SYN3: variants seen among roughly 807,000 people sequenced by gnomAD.
SYN3 encodes the protein synapsin III, also known as synapsin-3.
In SYN3, 35 loss-of-function variants were observed where a neutral mutation model predicts 65.8. The ratio of observed to expected loss-of-function variants is 0.53; its 90% CI spans 0.41 to 0.70. SYN3 has a LOEUF of 0.70. SYN3 is among the 30% of genes least tolerant of loss of function. The probability of loss-of-function intolerance (pLI) is 0.00; values close to 1 mark genes in which losing one functional copy is unlikely to be tolerated. For synonymous variants in SYN3, 270 were observed against 292.9 expected (o/e 0.92, Z 0.80); for missense variants, 680 against 749.0 (o/e 0.91, Z 1.08).
chr22:32,537,580 T>C (rs888348693), intron 9 of SYN3, among the ~76,000 whole-genome samples: 4 of 152,148 alleles, frequency 2.6e-5, no homozygotes, highest in Non-Finnish European at 4.4e-5. Context: ...TCCCTATTCA[T>C]ATTGAGATGG....
At chr22:32,515,824 A>C (rs1489587301) in intron 13 of SYN3, among the ~76,000 whole-genome samples, 1 of 151,438 alleles carries the variant, frequency 6.6e-6, no homozygotes, top group East Asian at 1.9e-4. Flanking sequence ...TTCGAGATGG[A>C]GTCTTGCTCT....
At chr22:32,997,544 CT>C (rs1434565817) in intron 2 of SYN3, among the ~76,000 whole-genome samples, 1 of 152,116 alleles carries the variant, frequency 6.6e-6, no homozygotes, top group East Asian at 1.9e-4. Context: ...CTCTGCCCCC[CT>C]CACCTTTAAA....
At chr22:32,751,009 C>G (rs2045105653) in intron 6 of SYN3, among the ~76,000 whole-genome samples, 1 of 152,060 alleles carries the variant, frequency 6.6e-6, no homozygotes, top group Non-Finnish European at 1.5e-5. Flanking sequence ...GGTTTTCAAA[C>G]CATGACACCA....
At chr22:33,044,412 AG>A (rs926893631) in intron 1 of SYN3, among the ~76,000 whole-genome samples, 44 of 152,270 alleles carry the variant, frequency 2.9e-4, no homozygotes, top group African/African-American at 1.0e-3. Context: ...TTAATAACTG[AG>A]GAGCTGATGA....
chr22:32,727,339 T>C (rs539530816), intron 6 of SYN3, among the ~76,000 whole-genome samples: 1 of 152,266 alleles, frequency 6.6e-6, no homozygotes, highest in Non-Finnish European at 1.5e-5. Flanking sequence ...AATTGCTGCA[T>C]ATTATTCCAT....
At chr22:33,037,731 C>T (rs763019562) in intron 1 of SYN3, among the ~76,000 whole-genome samples, 31 of 152,318 alleles carry the variant, frequency 2.0e-4, no homozygotes, top group Non-Finnish European at 3.4e-4. Flanking sequence ...CTTTTAACTA[C>T]CACTCCTGCC....
chr22:32,666,327 C>T (rs1242862009), intron 6 of SYN3, among the ~76,000 whole-genome samples: 1 of 151,096 alleles, frequency 6.6e-6, no homozygotes, highest in Non-Finnish European at 1.5e-5. Context: ...TAAAGAATAA[C>T]CCAAACCAAA....
chr22:33,035,339 C>CCCCCCG (rs1402627518), intron 1 of SYN3, among the ~76,000 whole-genome samples: 1 of 94,770 alleles, frequency 1.1e-5, no homozygotes, highest in African/African-American at 3.8e-5. Flanking sequence ...GACCCCCCCC[C>CCCCCCG]CCCCCGCCAC....
At chr22:32,902,759 G>A (rs1219135723) in intron 4 of SYN3, among the ~76,000 whole-genome samples, 6 of 151,972 alleles carry the variant, frequency 3.9e-5, no homozygotes, top group Non-Finnish European at 5.9e-5. Context: ...GAAAATTACT[G>A]GAACTTTCTG....
intron 6 of SYN3, among the ~76,000 whole-genome samples, chr22:32,677,894 G>C (rs956366892): frequency 1.8e-4 from 28 of 152,134 alleles, no homozygotes; most frequent in Non-Finnish European, 3.5e-4. Flanking sequence ...ACACAGATAG[G>C]CATGTATGTT....
At chr22:33,000,888 C>T (rs1037834032) in intron 2 of SYN3, among the ~76,000 whole-genome samples, 3 of 152,128 alleles carry the variant, frequency 2.0e-5, no homozygotes, top group Non-Finnish European at 4.4e-5. Context: ...ACCTGCTGGC[C>T]GCTCCTGGTG....
intron 6 of SYN3, among the ~76,000 whole-genome samples, chr22:32,652,342 T>C (rs2060083630): frequency 6.7e-6 from 1 of 150,094 alleles, no homozygotes; most frequent in South Asian, 2.1e-4. Flanking sequence ...CCTTCCACGC[T>C]AAGGGCATCT....
intron 6 of SYN3, among the ~76,000 whole-genome samples, chr22:32,708,950 CG>C (rs1193279281): frequency 6.6e-6 from 1 of 152,134 alleles, no homozygotes; most frequent in African/African-American, 2.4e-5. Flanking sequence ...GGGCTGTGCA[CG>C]GGCCTGGCAT....
chr22:32,879,459 G>C (rs1161673558), intron 4 of SYN3, among the ~76,000 whole-genome samples: 1 of 152,176 alleles, frequency 6.6e-6, no homozygotes, highest in African/African-American at 2.4e-5. Flanking sequence ...GTGATGCTGG[G>C]GAGGTGGGGG....
chr22:32,759,024 C>G (rs1211435910), intron 6 of SYN3, among the ~76,000 whole-genome samples: 2 of 151,942 alleles, frequency 1.3e-5, no homozygotes, highest in African/African-American at 4.8e-5. Flanking sequence ...GGACCATTAA[C>G]CACATCATTA....
chr22:32,897,273 T>G (rs2049620770), intron 4 of SYN3, among the ~76,000 whole-genome samples: 1 of 152,146 alleles, frequency 6.6e-6, no homozygotes, highest in Admixed American at 6.5e-5. Context: ...AGCATGACTC[T>G]CTCTCTAATC....
chr22:32,632,357 G>C (rs542960680), intron 6 of SYN3, among the ~76,000 whole-genome samples: 3 of 152,290 alleles, frequency 2.0e-5, no homozygotes, highest in African/African-American at 7.2e-5. Flanking sequence ...TAGAATCCCA[G>C]CTCTGATATT....
At chr22:32,713,130 A>T (rs190763069) in intron 6 of SYN3, among the ~76,000 whole-genome samples, 20 of 152,276 alleles carry the variant, frequency 1.3e-4, no homozygotes, top group Admixed American at 1.2e-3. Context: ...TGGATGAATG[A>T]ATGAGCTATT....
At chr22:32,797,911 A>G (rs2046468013) in intron 6 of SYN3, among the ~76,000 whole-genome samples, 1 of 152,220 alleles carries the variant, frequency 6.6e-6, no homozygotes, top group East Asian at 1.9e-4. Flanking sequence ...TCCAATAAAC[A>G]CAGAAGTGGA....
Sources: gnomAD v4.1 joint callset for allele counts (sites outside exome capture counted in the v4.1 genomes callset) on GRCh38, gnomAD v4.1.1 for gene constraint, MANE v1.5 for transcripts, NCBI Gene and HGNC (gene_info 2026-07-23, HGNC 2026-07-21) for gene names.